The following CAP2 variants were observed in gnomAD, a reference collection of about 807,000 sequenced individuals.
The protein encoded by CAP2 is cyclase associated actin cytoskeleton regulatory protein 2, also known as adenylyl cyclase-associated protein 2.
CAP2 carries 24 observed loss-of-function variants against 57.7 expected under a neutral mutation model. The ratio of observed to expected loss-of-function variants is 0.42; its 90% CI spans 0.30 to 0.58. CAP2 has a LOEUF of 0.58. Ranked by LOEUF, CAP2 falls within the 20% of genes least tolerant of loss-of-function variation. The pLI is 0.22. For missense variants in CAP2, 501 were observed against 590.3 expected, an observed-to-expected ratio of 0.85 and a Z score of 1.57; for synonymous variants, 194 against 207.2, an observed-to-expected ratio of 0.94 and a Z score of 0.55.
At chr6:17,543,568 C>T (rs1035665736) in intron 11 of CAP2, among the ~76,000 whole-genome samples, 3 of 143,516 alleles carry the variant, frequency 2.1e-5, no homozygotes, top group East Asian at 2.1e-4. Context: ...TTGCAGTGAG[C>T]GAGCCAAGAT....
chr6:17,416,406 A>G (rs1265996970), intron 1 of CAP2, among the ~76,000 whole-genome samples: 3 of 152,190 alleles, frequency 2.0e-5, no homozygotes, highest in South Asian at 4.1e-4. Context: ...CTTTATACTT[A>G]ATGGCAACCC....
intron 1 of CAP2, among the ~76,000 whole-genome samples, chr6:17,396,421 A>G (rs1015746516): frequency 3.3e-5 from 5 of 152,242 alleles, no homozygotes; most frequent in Non-Finnish European, 5.9e-5. Flanking sequence ...TGATGAGTGG[A>G]TAAATAAAAG....
At chr6:17,552,984 T>G (rs1252766064) in intron 12 of CAP2, among the ~76,000 whole-genome samples, 1 of 152,172 alleles carries the variant, frequency 6.6e-6, no homozygotes, top group African/African-American at 2.4e-5. Context: ...TAAGTGTGTA[T>G]GGACAGTCTA....
chr6:17,507,531 C>T (rs369286004), intron 5 of CAP2, 110 bp from the exon 6 acceptor site: 3 of 808,426 alleles, frequency 3.7e-6, no homozygotes, highest in Admixed American at 4.1e-5. Flanking sequence ...CATGTGCCTC[C>T]CACTTTCAAG....
intron 3 of CAP2, 78 bp downstream of exon 3, chr6:17,426,768 G>A: frequency 2.2e-6 from 2 of 913,956 alleles, no homozygotes; most frequent in South Asian, 1.3e-5. Flanking sequence ...AACAGCCTGA[G>A]GAGATCTTTA....
chr6:17,411,958 C>T (rs1157595749), intron 1 of CAP2, among the ~76,000 whole-genome samples: 1 of 152,180 alleles, frequency 6.6e-6, no homozygotes, highest in Non-Finnish European at 1.5e-5. Flanking sequence ...GGGGAATGAG[C>T]TCCTCTTCAG....
At chr6:17,395,262 T>C (rs1330298627) in intron 1 of CAP2, among the ~76,000 whole-genome samples, 2 of 152,236 alleles carry the variant, frequency 1.3e-5, no homozygotes, top group African/African-American at 4.8e-5. Flanking sequence ...GCAGGCCATA[T>C]GGTCTCCTTA....
At chr6:17,425,671 T>C (rs868836099) in intron 2 of CAP2, among the ~76,000 whole-genome samples, 1 of 152,184 alleles carries the variant, frequency 6.6e-6, no homozygotes, top group South Asian at 2.1e-4. Context: ...AGCCATTTCC[T>C]CATCTGTGAT....
At chr6:17,474,781 T>C (rs185743257) in intron 4 of CAP2, among the ~76,000 whole-genome samples, 6 of 152,318 alleles carry the variant, frequency 3.9e-5, no homozygotes, top group Admixed American at 1.3e-4. Flanking sequence ...TCAGGGATCT[T>C]TAGAGTTGAT....
intron 4 of CAP2, among the ~76,000 whole-genome samples, chr6:17,487,379 A>G (rs562119861): frequency 6.6e-6 from 1 of 152,244 alleles, no homozygotes; most frequent in African/African-American, 2.4e-5. Flanking sequence ...TCTGCATTAA[A>G]TCCTCTCAGA....
chr6:17,487,562 C>G (rs181422833), intron 4 of CAP2, among the ~76,000 whole-genome samples: 1 of 152,030 alleles, frequency 6.6e-6, no homozygotes, highest in Non-Finnish European at 1.5e-5. Flanking sequence ...CTCCGCCTCC[C>G]GGGTTCAAGC....
intron 7 of CAP2, among the ~76,000 whole-genome samples, chr6:17,528,799 A>T (rs1447363788): frequency 1.3e-5 from 2 of 152,150 alleles, no homozygotes; most frequent in Non-Finnish European, 2.9e-5. Context: ...TTGACTTTTT[A>T]AAAATTATTA....
chr6:17,495,678 C>T (rs893163280), intron 4 of CAP2, among the ~76,000 whole-genome samples: 1 of 152,132 alleles, frequency 6.6e-6, no homozygotes, highest in Non-Finnish European at 1.5e-5. Context: ...GACAAAGAAG[C>T]ATCTCAGCTC....
intron 11 of CAP2, among the ~76,000 whole-genome samples, chr6:17,547,632 G>C (rs1281160871): frequency 6.6e-6 from 1 of 152,050 alleles, no homozygotes; most frequent in African/African-American, 2.4e-5. Context: ...ACGAGGTCCG[G>C]AGATTGAGAC....
intron 7 of CAP2, among the ~76,000 whole-genome samples, chr6:17,517,731 TC>T (rs1243517100): frequency 4.6e-5 from 7 of 151,920 alleles, no homozygotes; most frequent in African/African-American, 1.7e-4. Context: ...CAAAACACTG[TC>T]TCTACTAAAA....
chr6:17,483,203 G>A (rs536959314), intron 4 of CAP2, among the ~76,000 whole-genome samples: 10 of 152,318 alleles, frequency 6.6e-5, no homozygotes, highest in African/African-American at 2.2e-4. Flanking sequence ...ATCATACTGT[G>A]TTTGTTGTGT....
At chr6:17,495,991 G>T (rs1256010298) in intron 4 of CAP2, among the ~76,000 whole-genome samples, 1 of 123,728 alleles carries the variant, frequency 8.1e-6, no homozygotes, top group East Asian at 2.8e-4. Context: ...GATGTTTATA[G>T]CTCCTGAAAG....
rs910609933 is a variant in CAP2, at chr6:17,513,289, G to GTGT, written c.531-558_531-556dup. On this transcript the variant is annotated intron_variant, in intron 6 of 12. Coordinates refer to ENST00000229922, the MANE Select transcript of CAP2 (RefSeq NM_006366.3). This position sits in a 1 kb window ranked among gnomAD's most constrained non-coding sequence, Gnocchi z 4.3. The stretch of plus-strand genomic sequence containing the variant: ...GTAAATGTCCCTTTAGAAGTAAGGG[G>GTGT]TGTTACCTGTTTGTAAGAGATCAAT... 9.2e-5 allele frequency among the ~76,000 whole-genome samples: 14 copies of GTGT among 152,112 alleles called. No individual in the cohort carries two copies. Among genetic ancestry groups the GTGT allele is most frequent in the African/African-American group, 2.9e-4 (12 of 41,408 alleles).
intron 2 of CAP2, among the ~76,000 whole-genome samples, chr6:17,422,305 C>T (rs10485376): frequency 0.11 from 16,877 of 149,960 alleles, 1,122 homozygotes; most frequent in African/African-American, 0.17. Flanking sequence ...AACATAACTA[C>T]GTCACGGTGT....
Sources: allele counts gnomAD v4.1 joint callset (sites outside exome capture counted in the v4.1 genomes callset), GRCh38; gene constraint gnomAD v4.1.1; non-coding constraint Gnocchi (gnomAD v3.1); transcripts MANE v1.5; gene names NCBI Gene and HGNC (gene_info 2026-07-23, HGNC 2026-07-21).